The following CHD5 variants were observed in gnomAD, a reference collection of about 807,000 sequenced individuals.
CHD5 encodes the protein ATP-dependent chromatin remodeler CHD5.
In CHD5, 69 loss-of-function variants were observed where a neutral mutation model predicts 230.3. The ratio of observed to expected loss-of-function variants is 0.30; its 90% CI spans 0.25 to 0.37. CHD5 has a LOEUF of 0.37. CHD5 is among the 10% of genes least tolerant of loss of function. The pLI is 1.00. For missense variants in CHD5, 1,827 were observed against 2,622.8 expected (o/e 0.70, Z 6.63); for synonymous variants, 1,064 against 1,065.9 (o/e 1.00, Z 0.03).
chr1:6,134,370 G>C lies in CHD5; in HGVS notation c.3013-111C>G. On this transcript the variant is annotated intron_variant, in intron 19 of 41. Transcript: ENST00000262450. This position sits in a 1 kb window ranked among gnomAD's most constrained non-coding sequence, Gnocchi z 6.3. The stretch of plus-strand genomic sequence containing the variant: ...GTGCTGAGCAATGGGGTGATGGCCT[G>C]TCTGCCCACTGAACATGAGACCCAC... 7.7e-7 allele frequency: 1 copy of C among 1,305,320 alleles called. No homozygotes were observed. The highest frequency in any genetic ancestry group is 1.3e-5 in the South Asian group (1 of 76,008). The allele number at this position is 1,305,320 out of a possible 1,614,324, so 80.9% of individuals were successfully genotyped here.
chr1:6,122,052 C>T (rs1047437112), intron 31 of CHD5, among the ~76,000 whole-genome samples: 1 of 152,244 alleles, frequency 6.6e-6, no homozygotes, highest in Non-Finnish European at 1.5e-5. Flanking sequence ...GCCGGGAAAG[C>T]GGAGGCCCAC....
chr1:6,150,977 G>A, intron 7 of CHD5, 55 bp downstream of exon 7: 11 of 1,446,206 alleles, frequency 7.6e-6, no homozygotes, highest in Admixed American at 2.2e-5. Flanking sequence ...AGTCCTACTC[G>A]TGCCCCACTA....
At chr1:6,107,002 G>A (rs181245307) in intron 38 of CHD5, among the ~76,000 whole-genome samples, 7 of 139,776 alleles carry the variant, frequency 5.0e-5, no homozygotes, top group African/African-American at 1.9e-4. Context: ...ATGGAGGGAT[G>A]ATGGAGGGAT....
At chr1:6,127,014 G>C (rs1368288938) in intron 25 of CHD5, 1 of 512,812 alleles carries the variant, frequency 2.0e-6, no homozygotes, top group Non-Finnish European at 3.5e-6. Flanking sequence ...GAGGTACTGA[G>C]TTGAATAAGC....
In CHD5 at chr1:6,104,068, G is replaced by C. The variant is rs1400899600; in HGVS notation, c.*1406C>G. 1.3e-5 allele frequency: 2 copies of C among 152,092 alleles called. No individual in the cohort carries two copies. Among genetic ancestry groups the C allele is most frequent in the African/African-American group, 4.8e-5 (2 of 41,382 alleles). The allele number at this position is 152,092 out of a possible 1,614,324, so 9.4% of individuals were successfully genotyped here. A position where few individuals can be genotyped will look rare whatever the true frequency, so the allele number is the denominator to read the frequency against. ...CTTCCCTGGGAAGGTCCCAGTACAA[G>C]ACTCAGAAACGCCTTCCAGGTCGAC... On this transcript the variant is annotated 3_prime_UTR_variant, in exon 42 of 42. Coordinates refer to ENST00000262450, the MANE Select transcript of CHD5 (RefSeq NM_015557.3).
rs1666914884 is a variant in CHD5, at chr1:6,146,559, C to G, written c.1590+106G>C. 4.3e-6 allele frequency: 6 copies of G among 1,396,150 alleles called. No individual in the cohort carries two copies. In the East Asian group the frequency reaches 1.4e-4, roughly 33 times the overall value. 86.5% of individuals were successfully genotyped at this position (1,396,150 alleles called of 1,614,324 possible). A position where few individuals can be genotyped will look rare whatever the true frequency, so the allele number is the denominator to read the frequency against. The stretch of plus-strand genomic sequence containing the variant: ...CGCTCAGCACCACCCCAACTCCCAA[C>G]AGCACCCCTCAGTCAGAGGCGCTTC... On this transcript the variant is annotated intron_variant, in intron 10 of 41. Coordinates refer to ENST00000262450, the MANE Select transcript of CHD5 (RefSeq NM_015557.3). The surrounding 1 kb of genome is among the most constrained non-coding windows in gnomAD (Gnocchi z 5.1).
intron 1 of CHD5, among the ~76,000 whole-genome samples, chr1:6,179,735 C>T (rs1037920572): frequency 6.3e-5 from 2 of 31,940 alleles, no homozygotes; most frequent in Non-Finnish European, 1.1e-4. Context: ...CCGCCCTTAG[C>T]CGCCCTCACG....
intron 7 of CHD5, among the ~76,000 whole-genome samples, chr1:6,150,636 G>A (rs143248484): frequency 6.6e-6 from 1 of 152,210 alleles, no homozygotes; most frequent in Non-Finnish European, 1.5e-5. Flanking sequence ...AGGGAAGGAG[G>A]GAGAAGGAGG....
intron 18 of CHD5, 34 bp downstream of exon 18, chr1:6,135,196 G>A (rs1298979333): frequency 6.2e-7 from 1 of 1,612,760 alleles, no homozygotes; most frequent in South Asian, 1.1e-5. Flanking sequence ...GAAAGGGCGA[G>A]CACAGGCTGC....
Position 6,103,050 on chromosome 1 carries a change from A to G in CHD5, c.*2424T>C, listed in dbSNP as rs953998188. On this transcript the variant is annotated 3_prime_UTR_variant, in exon 42 of 42. Coordinates refer to ENST00000262450, the MANE Select transcript of CHD5 (RefSeq NM_015557.3). ...TGATTCTACCAGCAGCAAAAACCAA[A>G]CCCAGCCCAAAGACGCCAAACATAC... The G allele has an allele frequency of 3.3e-5, 5 of 152,382 alleles. No individual in the cohort carries two copies. The highest frequency in any genetic ancestry group is 1.2e-4 in the African/African-American group (5 of 41,450). The allele number at this position is 152,382 out of a possible 1,614,324, so 9.4% of individuals were successfully genotyped here. A position where few individuals can be genotyped will look rare whatever the true frequency, so the allele number is the denominator to read the frequency against.
intron 15 of CHD5, among the ~76,000 whole-genome samples, chr1:6,137,612 C>T (rs771706637): frequency 5.9e-5 from 9 of 152,198 alleles, no homozygotes; most frequent in Non-Finnish European, 1.0e-4. Flanking sequence ...GGAATACAGG[C>T]GTGAGCTACC....
intron 31 of CHD5, among the ~76,000 whole-genome samples, chr1:6,123,228 G>A (rs549910769): frequency 6.6e-6 from 1 of 152,264 alleles, no homozygotes; most frequent in African/African-American, 2.4e-5. Flanking sequence ...GCACTGTGCA[G>A]TGCCATATAC....
At chr1:6,110,027 G>A (rs761948543) in intron 37 of CHD5, 37 bp from the exon 38 acceptor site, 7 of 1,470,502 alleles carry the variant, frequency 4.8e-6, no homozygotes, top group South Asian at 2.8e-5. Flanking sequence ...GGCCCCTCCC[G>A]CTGAATGGCT....
rs1667063590 is a variant in CHD5 at position 6,155,233 on chromosome 1, G to A, written c.507-335C>T. Among the ~76,000 whole-genome samples, 1 of 151,912 alleles carries A rather than the reference G, an allele frequency of 6.6e-6. No homozygotes were observed. The highest frequency in any genetic ancestry group is 1.5e-5 in the Non-Finnish European group (1 of 68,000). ...CACACAGTTGGTGATTTTCTCATTG[G>A]GTTTTCAGGCCCTGCAAGACTTGTG... On this transcript the variant is annotated intron_variant, in intron 4 of 41. Transcript: ENST00000262450. The surrounding 1 kb of genome is among the most constrained non-coding windows in gnomAD (Gnocchi z 4.0).
Position 6,167,777 on chromosome 1 carries a change from C to G in CHD5, c.207+373G>C, listed in dbSNP as rs1235497969. Among the ~76,000 whole-genome samples, 2 of 152,096 alleles carry G rather than the reference C, an allele frequency of 1.3e-5. No individual in the cohort carries two copies. Among genetic ancestry groups the G allele is most frequent in the Admixed American group, 6.6e-5 (1 of 15,266 alleles). ...CTAAATGGGGCCTTGCTTCTCTTCTCCAACTCACTTCATCAGGTTTCAGTT... is the reference window on the plus strand; with the variant it reads ...CTAAATGGGGCCTTGCTTCTCTTCTGCAACTCACTTCATCAGGTTTCAGTT... On this transcript the variant is annotated intron_variant, in intron 2 of 41. Transcript: ENST00000262450. This position sits in a 1 kb window ranked among gnomAD's most constrained non-coding sequence, Gnocchi z 4.5.
At chr1:6,108,828 G>A (rs1028613923) in intron 38 of CHD5, among the ~76,000 whole-genome samples, 1 of 147,194 alleles carries the variant, frequency 6.8e-6, no homozygotes, top group Non-Finnish European at 1.5e-5. Flanking sequence ...TAAGGGATGA[G>A]GGATTGAGGG....
rs1198987995 is a variant in CHD5 at position 6,156,838 on chromosome 1, G to C, written c.388-1121C>G. On this transcript the variant is annotated intron_variant, in intron 3 of 41. Coordinates refer to ENST00000262450, the MANE Select transcript of CHD5 (RefSeq NM_015557.3). ...GAGTTCTCAAGAGAGCTAGCCCAGG[G>C]GTCAGGTGACCAGATGACCAGGCCC... Among the ~76,000 whole-genome samples, 2 of 152,182 alleles carry C rather than the reference G, an allele frequency of 1.3e-5. 1 individual carries two copies. Among genetic ancestry groups the C allele is most frequent in the Admixed American group, 1.3e-4 (2 of 15,278 alleles).
chr1:6,125,566 C>T lies in CHD5; in HGVS notation c.4218G>A (p.Lys1406=), dbSNP rs201323551. ...SRRQLKSDRD[K]PLPPLLARVG... ...CTCGGGCGAGAAGCGGGGGCAGGGGCTTGTCCCTGTCACTCTTCAGCTGCC... is the reference window on the plus strand; with the variant it reads ...CTCGGGCGAGAAGCGGGGGCAGGGGTTTGTCCCTGTCACTCTTCAGCTGCC... Residue 1406 remains lysine, a synonymous_variant, in exon 28 of 42, where the codon AAG becomes AAA. Coordinates refer to ENST00000262450, the MANE Select transcript of CHD5 (RefSeq NM_015557.3). The surrounding 1 kb of genome is among the most constrained non-coding windows in gnomAD (Gnocchi z 6.7). The T allele has an allele frequency of 4.4e-6, 7 of 1,602,180 alleles. No homozygotes were observed. Among genetic ancestry groups the T allele is most frequent in the South Asian group, 1.1e-5 (1 of 89,740 alleles).
intron 15 of CHD5, among the ~76,000 whole-genome samples, chr1:6,141,822 G>C (rs1205028036): frequency 1.3e-5 from 2 of 152,134 alleles, no homozygotes; most frequent in African/African-American, 4.8e-5. Flanking sequence ...AGGAAGGAAG[G>C]GTTCTCCCCT....
Sources: gnomAD v4.1 joint callset for allele counts (sites outside exome capture counted in the v4.1 genomes callset) on GRCh38, gnomAD v4.1.1 for gene constraint, Gnocchi (gnomAD v3.1) non-coding constraint, MANE v1.5 for transcripts, NCBI Gene and HGNC (gene_info 2026-07-23, HGNC 2026-07-21) for gene names.